The following MIX23 variants were observed in gnomAD, a reference collection of about 807,000 sequenced individuals.
The protein encoded by MIX23 is mitochondrial matrix import factor 23, also known as protein MIX23.
MIX23 carries 13 observed loss-of-function variants against 21.6 expected under a neutral mutation model. The ratio of observed to expected loss-of-function variants is 0.60; its 90% CI spans 0.39 to 0.96. The LOEUF (loss-of-function observed/expected upper bound fraction) is 0.96. MIX23 is among the 40% of genes least tolerant of loss of function. MIX23 has a pLI of 0.00. For synonymous variants in MIX23, 59 were observed against 58.0 expected, an observed-to-expected ratio of 1.02 and a Z score of -0.08; for missense variants, 144 against 171.2, an observed-to-expected ratio of 0.84 and a Z score of 0.89.
At chr3:122,372,832 A>G (rs2075452847) in intron 1 of MIX23, among the ~76,000 whole-genome samples, 2 of 152,172 alleles carry the variant, frequency 1.3e-5, no homozygotes, top group South Asian at 4.1e-4. Flanking sequence ...CTGTCTCTTA[A>G]AAAAAGAAAG....
In MIX23 at chr3:122,377,465, A is replaced by C. The variant is rs373841616; in HGVS notation, c.52-5665T>G. Among the ~76,000 whole-genome samples the C allele has an allele frequency of 4.6e-5, 7 of 152,280 alleles. No homozygotes were observed. In the East Asian group the frequency reaches 1.3e-3, roughly 29 times the overall value. ...AATGATTAAGGAATTCTTACATCTAAAAGTAAAGGAAAAATTCTGTGATGT... is the reference window on the plus strand; with the variant it reads ...AATGATTAAGGAATTCTTACATCTACAAGTAAAGGAAAAATTCTGTGATGT... On this transcript the variant is annotated intron_variant, in intron 1 of 4. Coordinates refer to ENST00000291458, the MANE Select transcript of MIX23 (RefSeq NM_001017928.4).
At chr3:122,360,896 T>G (rs1043033324) in intron 4 of MIX23, among the ~76,000 whole-genome samples, 1 of 152,158 alleles carries the variant, frequency 6.6e-6, no homozygotes, top group African/African-American at 2.4e-5. Context: ...CAGGCTGGAG[T>G]GCAATGGCGT....
intron 2 of MIX23, among the ~76,000 whole-genome samples, 195 bp from the exon 3 acceptor site, chr3:122,368,517 G>C (rs1016027299): frequency 9.2e-5 from 14 of 152,166 alleles, no homozygotes; most frequent in African/African-American, 3.4e-4. Flanking sequence ...GCATCTCTGA[G>C]GGTGGAAGGT....
chr3:122,364,411 C>T (rs895756550), intron 3 of MIX23, among the ~76,000 whole-genome samples: 2 of 152,188 alleles, frequency 1.3e-5, no homozygotes, highest in African/African-American at 4.8e-5. Context: ...AAAGCCTGGA[C>T]TGACTGCCAA....
At chr3:122,380,660 A>G (rs2075524072) in intron 1 of MIX23, among the ~76,000 whole-genome samples, 1 of 152,218 alleles carries the variant, frequency 6.6e-6, no homozygotes, top group Non-Finnish European at 1.5e-5. Flanking sequence ...GGATTTTAAA[A>G]GGTCTTATAT....
chr3:122,381,936 C>T (rs1348435950), intron 1 of MIX23, among the ~76,000 whole-genome samples: 1 of 152,054 alleles, frequency 6.6e-6, no homozygotes, highest in East Asian at 1.9e-4. Context: ...AAACTGATGG[C>T]AGCTTAATCT....
chr3:122,359,958 C>A (rs776152544), intron 4 of MIX23, 39 bp from the exon 5 acceptor site: 1 of 1,555,026 alleles, frequency 6.4e-7, no homozygotes, highest in Non-Finnish European at 8.7e-7. Context: ...ATTGAGTTAT[C>A]CTGCGTAAAT....
At chr3:122,362,944 C>G (rs763582829) in intron 4 of MIX23, 24 bp downstream of exon 4, 46 of 1,607,174 alleles carry the variant, frequency 2.9e-5, no homozygotes, top group Non-Finnish European at 3.8e-5. Flanking sequence ...CTACTTCTTT[C>G]CAAACACCAA....
chr3:122,365,562 A>G (rs971923126), intron 3 of MIX23: 1 of 152,214 alleles, frequency 6.6e-6, no homozygotes, highest in Non-Finnish European at 1.5e-5. Flanking sequence ...CTAGAAAGCA[A>G]ACCTCATGCA....
At chr3:122,359,963 G>C in intron 4 of MIX23, 44 bp from the exon 5 acceptor site, 1 of 1,536,714 alleles carries the variant, frequency 6.5e-7, no homozygotes. Context: ...GTTATCCTGC[G>C]TAAATCAGGC....
intron 3 of MIX23, among the ~76,000 whole-genome samples, chr3:122,367,294 T>C (rs1181681486): frequency 6.6e-6 from 1 of 152,118 alleles, no homozygotes; most frequent in Non-Finnish European, 1.5e-5. Flanking sequence ...TTTGGTAAGT[T>C]TGAAATTATA....
intron 2 of MIX23, among the ~76,000 whole-genome samples, chr3:122,369,574 A>G (rs935392534): frequency 3.9e-5 from 6 of 152,218 alleles, no homozygotes; most frequent in Non-Finnish European, 7.3e-5. Context: ...CTTGATATAC[A>G]TGTTGCTGAA....
At chr3:122,379,147 ATGAT>A (rs1159569040) in intron 1 of MIX23, among the ~76,000 whole-genome samples, 1 of 152,188 alleles carries the variant, frequency 6.6e-6, no homozygotes, top group Non-Finnish European at 1.5e-5. Flanking sequence ...GGGAGGTAAA[ATGAT>A]TGGGGAAGGA....
chr3:122,372,561 C>T (rs2075450157), intron 1 of MIX23, among the ~76,000 whole-genome samples: 1 of 152,152 alleles, frequency 6.6e-6, no homozygotes, highest in African/African-American at 2.4e-5. Flanking sequence ...GTGGCTCACA[C>T]CTGTAATCCC....
chr3:122,365,927 G>C (rs1441695781), intron 3 of MIX23, among the ~76,000 whole-genome samples: 5 of 151,994 alleles, frequency 3.3e-5, no homozygotes, highest in South Asian at 2.1e-4. Flanking sequence ...TGTAATCCCA[G>C]CACTTTGGGA....
chr3:122,374,092 T>G (rs1198290027), intron 1 of MIX23, among the ~76,000 whole-genome samples: 2 of 148,534 alleles, frequency 1.3e-5, no homozygotes, highest in African/African-American at 2.5e-5. Flanking sequence ...TTACCTCCTA[T>G]GACTGGCCTA....
chr3:122,367,303 T>C (rs1344435335), intron 3 of MIX23, among the ~76,000 whole-genome samples: 7 of 152,160 alleles, frequency 4.6e-5, no homozygotes, highest in Non-Finnish European at 8.8e-5. Flanking sequence ...TTTGAAATTA[T>C]ACAAGATAAA....
At chr3:122,361,604 T>G (rs901968929) in intron 4 of MIX23, among the ~76,000 whole-genome samples, 1 of 152,258 alleles carries the variant, frequency 6.6e-6, no homozygotes, top group African/African-American at 2.4e-5. Context: ...TAGTTCACTC[T>G]TCCCACTACA....
At chr3:122,362,280 T>C (rs1186138198) in intron 4 of MIX23, among the ~76,000 whole-genome samples, 4 of 152,248 alleles carry the variant, frequency 2.6e-5, no homozygotes, top group African/African-American at 4.8e-5. Flanking sequence ...TACCTAATGA[T>C]AGGAAAACTT....
Sources: gnomAD v4.1 joint callset for allele counts (sites outside exome capture counted in the v4.1 genomes callset) on GRCh38, gnomAD v4.1.1 for gene constraint, MANE v1.5 for transcripts, NCBI Gene and HGNC (gene_info 2026-07-23, HGNC 2026-07-21) for gene names.